Variants in MARCHF6 observed in about 807,000 individuals in gnomAD.
MARCHF6 encodes membrane associated ring-CH-type finger 6.
Under a neutral mutation model 133.7 loss-of-function variants are expected in MARCHF6, and 31 were observed. That is an observed-to-expected ratio of 0.23 (90% CI 0.17 to 0.31). MARCHF6 has a LOEUF of 0.31. MARCHF6 is among the 10% of genes least tolerant of loss of function. The pLI, the probability that MARCHF6 is intolerant of heterozygous loss-of-function variation, is 1.00. For missense variants in MARCHF6, 723 were observed against 1,121.6 expected, an observed-to-expected ratio of 0.64 and a Z score of 5.08; for synonymous variants, 395 against 402.5, an observed-to-expected ratio of 0.98 and a Z score of 0.22.
intron 25 of MARCHF6, among the ~76,000 whole-genome samples, chr5:10,433,256 A>G (rs778349091): frequency 2.6e-5 from 4 of 152,214 alleles, no homozygotes; most frequent in African/African-American, 7.2e-5. Context: ...AAGTTGTTTT[A>G]TAAAATCTGA....
chr5:10,394,955 A>G (rs1738095007), intron 9 of MARCHF6, among the ~76,000 whole-genome samples, 170 bp downstream of exon 9: 1 of 152,068 alleles, frequency 6.6e-6, no homozygotes, highest in African/African-American at 2.4e-5. Flanking sequence ...GCCCGCCACC[A>G]TGCCCGGCTA....
intron 1 of MARCHF6, among the ~76,000 whole-genome samples, chr5:10,359,961 G>A (rs985090501): frequency 2.0e-5 from 3 of 151,890 alleles, no homozygotes; most frequent in African/African-American, 4.8e-5. Context: ...AGCCGAGATC[G>A]CGCCACTGCA....
At chr5:10,404,574 G>A (rs1738767821) in intron 15 of MARCHF6, among the ~76,000 whole-genome samples, 1 of 152,188 alleles carries the variant, frequency 6.6e-6, no homozygotes, top group Admixed American at 6.5e-5. Flanking sequence ...TTTATAGCCT[G>A]AAAATGAATA....
At chr5:10,419,059 G>A (rs766126979) in intron 22 of MARCHF6, among the ~76,000 whole-genome samples, 5 of 152,164 alleles carry the variant, frequency 3.3e-5, no homozygotes, top group Non-Finnish European at 7.4e-5. Flanking sequence ...CATATGTGGG[G>A]AACTGCCTCC....
chr5:10,358,644 A>G (rs1735627296), intron 1 of MARCHF6, among the ~76,000 whole-genome samples: 1 of 152,216 alleles, frequency 6.6e-6, no homozygotes, highest in Admixed American at 6.5e-5. Flanking sequence ...ACATGGGTCC[A>G]CTTACACATG....
Position 10,414,476 on chromosome 5 carries a change from C to A in MARCHF6, c.1940C>A (p.Ala647Asp). 6.2e-7 allele frequency: 1 copy of A among 1,613,398 alleles called. No individual in the cohort carries two copies. The highest frequency in any genetic ancestry group is 1.1e-5 in the South Asian group (1 of 91,036). Residue 647 changes from alanine (A) to aspartate (D), a missense_variant, in exon 20 of 26, where the codon GCC (alanine) becomes GAC (aspartate). Ala to Asp is a moderately radical substitution (Grantham distance 126, BLOSUM62 -2). This residue lies in a region of MARCHF6 where 492 missense variants were observed against 699.5 expected (regional missense o/e 0.70). Transcript: ENST00000274140. ...IVFMCITLLI[A>D]SLICLTLPVF... ...TTCATGTGTATAACATTACTGATTGCCAGCCTCATCTGCCTTACTTTACCA... is the reference window on the plus strand; with the variant it reads ...TTCATGTGTATAACATTACTGATTGACAGCCTCATCTGCCTTACTTTACCA...
At position 10,411,352 on chromosome 5, in the gene MARCHF6, T is replaced by C. The variant is rs1341345416; in HGVS notation, c.1711T>C (p.Leu571=). 3.1e-6 allele frequency: 5 copies of C among 1,614,060 alleles called. No homozygotes were observed. Among genetic ancestry groups the C allele is most frequent in the East Asian group, 4.5e-5 (2 of 44,902 alleles). Residue 571 remains leucine (L), a synonymous_variant, in exon 19 of 26, where the codon TTG becomes CTG. Coordinates refer to ENST00000274140, the MANE Select transcript of MARCHF6 (RefSeq NM_005885.4). ...GYLLDLHSYL[L]GDQEENENSA... The stretch of plus-strand genomic sequence containing the variant: ...GCACAGGGATCTTCATTCTTATTTA[T>C]TGGGAGACCAGGAAGAAAATGAAAA...
intron 24 of MARCHF6, among the ~76,000 whole-genome samples, chr5:10,427,195 C>T (rs778584572): frequency 2.0e-5 from 3 of 152,220 alleles, no homozygotes; most frequent in Admixed American, 1.3e-4. Flanking sequence ...TCTGGTCTCT[C>T]GTCTCTGGAG....
chr5:10,397,308 G>T lies in MARCHF6; in HGVS notation c.877G>T (p.Val293Leu). 6.3e-7 allele frequency: 1 copy of T among 1,578,510 alleles called. No individual in the cohort carries two copies. Among genetic ancestry groups the T allele is most frequent in the South Asian group, 1.2e-5 (1 of 83,578 alleles). ...TTTCCTTTAGGAACATGTCTTCTGG[G>T]TGGTATCTTTAAATACACTGTTCAT... Reference protein sequence around the residue: ...SLVFLEHVFWVVSLNTLFILV... With the variant: ...SLVFLEHVFWLVSLNTLFILV... Residue 293 changes from valine to leucine, a missense_variant, in exon 10 of 26, where the codon GTG becomes TTG. By Grantham distance (32) the Val-to-Leu change is conservative. Transcript: ENST00000274140.
intron 22 of MARCHF6, among the ~76,000 whole-genome samples, chr5:10,423,381 C>G (rs1478747909): frequency 6.6e-6 from 1 of 152,200 alleles, no homozygotes; most frequent in Non-Finnish European, 1.5e-5. Flanking sequence ...TGACATAAAT[C>G]AGCTCACTTG....
intron 1 of MARCHF6, among the ~76,000 whole-genome samples, chr5:10,374,808 G>A (rs1307661936): frequency 4.6e-5 from 7 of 152,246 alleles, no homozygotes; most frequent in Non-Finnish European, 8.8e-5. Flanking sequence ...GGTCGTGGTA[G>A]GGGGAAGGTC....
intron 9 of MARCHF6, 123 bp downstream of exon 9, chr5:10,394,908 T>C: frequency 1.7e-6 from 1 of 589,166 alleles, no homozygotes; most frequent in Non-Finnish European, 2.9e-6. Flanking sequence ...CATGCCATTC[T>C]CCTGCCTCAG....
chr5:10,410,746 C>T (rs964626958), intron 18 of MARCHF6, among the ~76,000 whole-genome samples: 1 of 152,100 alleles, frequency 6.6e-6, no homozygotes, highest in African/African-American at 2.4e-5. Context: ...TTCAGTTTGG[C>T]ATCTTGTAGG....
At position 10,394,122 on chromosome 5, in the gene MARCHF6, T is replaced by C. The variant is rs961023300; in HGVS notation, c.807T>C (p.Ala269=). The C allele has an allele frequency of 3.2e-6, 5 of 1,571,304 alleles. No individual in the cohort carries two copies. The East Asian group carries it at 1.2e-4, about 36-fold the overall frequency. ...ATGCTTTAGAATGGGACCGAGCTGC[T>C]GAAGAGCTTACATGGGAAAGAGTAA... ...NWNALEWDRA[A]EELTWERMLG... Residue 269 remains alanine (A), a synonymous_variant, in exon 8 of 26, where the codon GCT becomes GCC. Transcript: ENST00000274140.
In MARCHF6 at chr5:10,415,646, A is replaced by G; in HGVS notation, c.2125A>G (p.Lys709Glu). The G allele has an allele frequency of 6.2e-7, 1 of 1,614,112 alleles. No homozygotes were observed. Reference sequence around the variant, plus strand: ...TCAGGGACGCAGAGTGATCTTCCAGAAGGTTAAAGAGTGGTCTCTCATGGT... The same window carrying G: ...TCAGGGACGCAGAGTGATCTTCCAGGAGGTTAAAGAGTGGTCTCTCATGGT... ...MPQGRRVIFQ[K>E]VKEWSLMIMK... The change falls in exon 21 of 26, where the codon AAG becomes GAG. Residue 709 changes from lysine to glutamate, a missense_variant. Coordinates refer to ENST00000274140, the MANE Select transcript of MARCHF6 (RefSeq NM_005885.4).
rs558643433 is a variant in MARCHF6 at position 10,392,756 on chromosome 5, GA to G, written c.766+1038del. Among the ~76,000 whole-genome samples, 798 of 135,318 alleles carry G rather than the reference GA, an allele frequency of 5.9e-3. 4 individuals carry two copies. The highest frequency in any genetic ancestry group is 0.011 in the African/African-American group (416 of 37,204). 88.8% of individuals were successfully genotyped at this position (135,318 alleles called of 152,430 possible). A position where few individuals can be genotyped will look rare whatever the true frequency, so the allele number is the denominator to read the frequency against. On this transcript the variant is annotated intron_variant, in intron 7 of 25. Coordinates refer to ENST00000274140, the MANE Select transcript of MARCHF6 (RefSeq NM_005885.4). ...GTGACACAGCAAGATTCCGTCTCAA[GA>G]AAAAAAAAAAAAGATCCAAGACAGG...
intron 1 of MARCHF6, among the ~76,000 whole-genome samples, chr5:10,356,378 TTTTATTTTA>T (rs1561089215): frequency 1.4e-5 from 2 of 144,134 alleles, no homozygotes; most frequent in Non-Finnish European, 3.0e-5. Flanking sequence ...TTTTATTTTA[TTTTATTTTA>T]TTTTATTTTA....
chr5:10,353,946 C>G (rs769443860), intron 1 of MARCHF6, 29 bp downstream of exon 1: 11 of 1,539,728 alleles, frequency 7.1e-6, no homozygotes, highest in Non-Finnish European at 8.7e-6. Context: ...GCGCCCGAGC[C>G]CTTGCGTCGG....
At chr5:10,407,254 T>G (rs752071301) in intron 17 of MARCHF6, 52 bp downstream of exon 17, 1 of 921,850 alleles carries the variant, frequency 1.1e-6, no homozygotes, top group Admixed American at 2.2e-5. Context: ...TATTAGGGAT[T>G]TGATGTTCAG....
Sources: gnomAD v4.1 joint callset for allele counts (sites outside exome capture counted in the v4.1 genomes callset) on GRCh38, gnomAD v4.1.1 for gene constraint, gnomAD v4.1.1 regional missense constraint, MANE v1.5 for transcripts, NCBI Gene and HGNC (gene_info 2026-07-23, HGNC 2026-07-21) for gene names.